ASTN1: variants seen among roughly 807,000 people sequenced by gnomAD.
The protein encoded by ASTN1 is astrotactin 1.
ASTN1 carries 41 observed loss-of-function variants against 140.7 expected under a neutral mutation model. That is an observed-to-expected ratio of 0.29 (90% CI 0.23 to 0.38). ASTN1 has a LOEUF of 0.38. Among genes scored for constraint, ASTN1 ranks in the 10% least tolerant of loss-of-function variants. ASTN1 has a pLI of 1.00. For missense variants in ASTN1, 1,479 were observed against 1,678.8 expected (o/e 0.88, Z 2.08); for synonymous variants, 640 against 652.2 (o/e 0.98, Z 0.29).
At chr1:177,088,304 C>T (rs1679575603) in intron 1 of ASTN1, among the ~76,000 whole-genome samples, 1 of 152,172 alleles carries the variant, frequency 6.6e-6, no homozygotes, top group Admixed American at 6.5e-5. Flanking sequence ...GTTCCATTGC[C>T]AGAGTTGAAT....
chr1:177,149,135 CAT>C (rs1215933959), intron 1 of ASTN1, among the ~76,000 whole-genome samples: 5 of 89,102 alleles, frequency 5.6e-5, no homozygotes, highest in South Asian at 3.0e-4. Context: ...ATATATAGTG[CAT>C]ATATATAGTG....
chr1:177,088,749 T>A (rs1162338465), intron 1 of ASTN1, among the ~76,000 whole-genome samples: 2 of 152,188 alleles, frequency 1.3e-5, no homozygotes, highest in African/African-American at 4.8e-5. Flanking sequence ...ACTCCCAGAA[T>A]AAACTAATAT....
At chr1:176,910,660 C>T (rs1014146964) in intron 16 of ASTN1, among the ~76,000 whole-genome samples, 1 of 152,226 alleles carries the variant, frequency 6.6e-6, no homozygotes, top group East Asian at 1.9e-4. Context: ...TTCACACAAA[C>T]CTAGATGGTA....
chr1:177,086,941 CAG>C (rs959301816), intron 1 of ASTN1, among the ~76,000 whole-genome samples: 2 of 152,084 alleles, frequency 1.3e-5, no homozygotes, highest in Non-Finnish European at 2.9e-5. Context: ...TTGTCAAACT[CAG>C]AAAGTTATTT....
rs1472903772 is a variant in ASTN1 at position 177,029,716 on chromosome 1, T to C, written c.1038A>G (p.Glu346=). The C allele has an allele frequency of 6.2e-7, 1 of 1,612,706 alleles. No homozygotes were observed. Among genetic ancestry groups the C allele is most frequent in the Non-Finnish European group, 8.5e-7 (1 of 1,179,328 alleles). ...ARAGSAFLNP[E]GDSGTEAEND... The stretch of plus-strand genomic sequence containing the variant: ...TTTCTGCCTCTGTGCCAGAATCCCC[T>C]TCAGGGTTCAAGAAGGCGGAACCAG... Residue 346 remains glutamate (E), a synonymous_variant, in exon 5 of 23, where the codon GAA becomes GAG. Transcript: ENST00000361833.
At chr1:176,929,805 A>C (rs1440060158) in intron 16 of ASTN1, among the ~76,000 whole-genome samples, 3 of 152,182 alleles carry the variant, frequency 2.0e-5, no homozygotes, top group Admixed American at 2.0e-4. Context: ...TCAAGAGATC[A>C]AGACCATCCT....
chr1:177,015,473 C>T (rs1015029452), intron 7 of ASTN1, among the ~76,000 whole-genome samples: 1 of 152,188 alleles, frequency 6.6e-6, no homozygotes, highest in Non-Finnish European at 1.5e-5. Flanking sequence ...ACTATATGCA[C>T]AGGAGGCCTC....
chr1:176,948,477 G>A (rs1162598837), intron 12 of ASTN1, among the ~76,000 whole-genome samples: 1 of 152,164 alleles, frequency 6.6e-6, no homozygotes, highest in East Asian at 1.9e-4. Context: ...AAATCAGGGA[G>A]GGCCTGAATC....
At chr1:177,127,411 GT>G (rs1681706575) in intron 1 of ASTN1, among the ~76,000 whole-genome samples, 1 of 152,276 alleles carries the variant, frequency 6.6e-6, no homozygotes, top group African/African-American at 2.4e-5. Flanking sequence ...ATCTACACCA[GT>G]TTTTCACCCA....
intron 11 of ASTN1, among the ~76,000 whole-genome samples, chr1:176,950,218 A>G (rs952446881): frequency 2.0e-5 from 3 of 152,162 alleles, no homozygotes; most frequent in African/African-American, 7.2e-5. Context: ...TCACTAACTC[A>G]TGTGATCCTC....
At chr1:177,088,618 A>C (rs971462470) in intron 1 of ASTN1, among the ~76,000 whole-genome samples, 1 of 152,140 alleles carries the variant, frequency 6.6e-6, no homozygotes, top group Non-Finnish European at 1.5e-5. Context: ...CCCTCTTTTG[A>C]TAGAATACTA....
intron 1 of ASTN1, among the ~76,000 whole-genome samples, chr1:177,075,895 T>C (rs1282008021): frequency 1.3e-5 from 2 of 151,832 alleles, no homozygotes; most frequent in East Asian, 3.9e-4. Context: ...TCCTGCCTCA[T>C]CCTCCCAAAG....
At chr1:177,107,553 C>T (rs1263849198) in intron 1 of ASTN1, among the ~76,000 whole-genome samples, 1 of 152,170 alleles carries the variant, frequency 6.6e-6, no homozygotes, top group Non-Finnish European at 1.5e-5. Flanking sequence ...TGGCTTCTGA[C>T]TGGGTTCCCA....
chr1:176,985,742 A>G (rs1673860728), intron 8 of ASTN1, among the ~76,000 whole-genome samples: 1 of 152,048 alleles, frequency 6.6e-6, no homozygotes, highest in Non-Finnish European at 1.5e-5. Flanking sequence ...CTTCTGAGGT[A>G]TAGGTATTGA....
chr1:177,081,217 GC>G (rs1321111549), intron 1 of ASTN1, among the ~76,000 whole-genome samples: 1 of 152,144 alleles, frequency 6.6e-6, no homozygotes, highest in Non-Finnish European at 1.5e-5. Flanking sequence ...AGGAGCTCTT[GC>G]TTGACTTGAT....
At chr1:177,122,199 A>G (rs1681426812) in intron 1 of ASTN1, among the ~76,000 whole-genome samples, 1 of 152,166 alleles carries the variant, frequency 6.6e-6, no homozygotes, top group Non-Finnish European at 1.5e-5. Flanking sequence ...TGTGTTGCAG[A>G]GGGACTGAGA....
intron 16 of ASTN1, among the ~76,000 whole-genome samples, chr1:176,906,253 A>G (rs950545942): frequency 2.6e-5 from 4 of 152,166 alleles, no homozygotes; most frequent in Non-Finnish European, 5.9e-5. Flanking sequence ...GTCTCTTTAA[A>G]TATTTGAAGG....
intron 21 of ASTN1, among the ~76,000 whole-genome samples, chr1:176,873,361 G>T (rs1571438609): frequency 6.6e-6 from 1 of 152,132 alleles, no homozygotes; most frequent in East Asian, 1.9e-4. Flanking sequence ...GGGAAGGCTG[G>T]TTTCAGCAAA....
At chr1:177,129,474 A>G (rs142178890) in intron 1 of ASTN1, among the ~76,000 whole-genome samples, 57 of 152,348 alleles carry the variant, frequency 3.7e-4, no homozygotes, top group African/African-American at 1.3e-3. Context: ...AAGCACTGTC[A>G]ACTCAAATCT....
Sources: allele counts gnomAD v4.1 joint callset (sites outside exome capture counted in the v4.1 genomes callset), GRCh38; gene constraint gnomAD v4.1.1; transcripts MANE v1.5; gene names NCBI Gene and HGNC (gene_info 2026-07-23, HGNC 2026-07-21).